Variants in ERI1 observed in about 807,000 individuals in gnomAD.
The protein encoded by ERI1 is 3'-5' exoribonuclease 1.
Under a neutral mutation model 39.7 loss-of-function variants are expected in ERI1, and 39 were observed. That is an observed-to-expected ratio of 0.98 (90% CI 0.76 to 1.28). The LOEUF (loss-of-function observed/expected upper bound fraction) is 1.28, where lower values mean the gene tolerates loss of function less well. Ranked by LOEUF, ERI1 falls within the 50% of genes most tolerant of loss-of-function variation. The pLI is 0.00. For missense variants in ERI1, 581 were observed against 416.9 expected (o/e 1.39, Z -3.43); for synonymous variants, 204 against 149.6 (o/e 1.36, Z -2.65).
At chr8:9,039,131 ATAAT>A (rs1270095943) in intron 3 of ERI1, among the ~76,000 whole-genome samples, 1 of 152,240 alleles carries the variant, frequency 6.6e-6, no homozygotes, top group Admixed American at 6.5e-5. Flanking sequence ...AGACTATCAA[ATAAT>A]TATTCATTAT....
chr8:9,038,038 CTG>C (rs1797907216), downstream of ERI1, among the ~76,000 whole-genome samples: 2 of 152,142 alleles, frequency 1.3e-5, no homozygotes, highest in South Asian at 2.1e-4. Flanking sequence ...GAAAAGGAAA[CTG>C]TACCTATTTG....
In ERI1 at chr8:9,007,288, A is replaced by G. The variant is rs115590344; in HGVS notation, c.109-682A>G. The stretch of plus-strand genomic sequence containing the variant: ...TACATTTCCTTCTTTGAGTACTAGG[A>G]AGCTGTAAATTAGATTTGCGGTCCA... On this transcript the variant is annotated intron_variant, in intron 1 of 6. Transcript: ENST00000250263. 6.5e-3 allele frequency among the ~76,000 whole-genome samples: 989 copies of G among 152,320 alleles called. 12 individuals are homozygous for G. Among genetic ancestry groups the G allele is most frequent in the African/African-American group, 0.022 (930 of 41,576 alleles).
rs564308610 is a variant in ERI1 at position 9,006,208 on chromosome 8, A to T, written c.109-1762A>T. 5.9e-5 allele frequency among the ~76,000 whole-genome samples: 9 copies of T among 152,294 alleles called. 1 individual carries two copies. Among genetic ancestry groups the T allele is most frequent in the African/African-American group, 2.2e-4 (9 of 41,556 alleles). ...CCTTCTTTGTGAACCATTAGTGTAGATTTGAAATTTGGGAGGAGACACTGC... is the reference window on the plus strand; with the variant it reads ...CCTTCTTTGTGAACCATTAGTGTAGTTTTGAAATTTGGGAGGAGACACTGC... On this transcript the variant is annotated intron_variant, in intron 1 of 6. Coordinates refer to ENST00000250263, the MANE Select transcript of ERI1 (RefSeq NM_153332.4).
rs923563033 is a variant in ERI1, at chr8:9,003,156, G to A, written c.93G>A (p.Pro31=). 6.4e-6 allele frequency: 8 copies of A among 1,243,582 alleles called. No homozygotes were observed. The highest frequency in any genetic ancestry group is 3.0e-4 in the Middle Eastern group (1 of 3,310). 77.0% of individuals were successfully genotyped at this position (1,243,582 alleles called of 1,614,324 possible). The change falls in exon 1 of 7, where the codon CCG becomes CCA. Residue 31 remains proline, a synonymous_variant. Coordinates refer to ENST00000250263, the MANE Select transcript of ERI1 (RefSeq NM_153332.4). ...GGCCGGAGGGCGGGGAGGAGCCGCCGCGTCCCAGTCCCGAGGTGAGGAGTC... is the reference window on the plus strand; with the variant it reads ...GGCCGGAGGGCGGGGAGGAGCCGCCACGTCCCAGTCCCGAGGTGAGGAGTC... ...SPRPEGGEEP[P]RPSPEETQQC...
intron 3 of ERI1, among the ~76,000 whole-genome samples, chr8:9,085,173 CT>C (rs1018556883): frequency 2.0e-5 from 3 of 152,050 alleles, no homozygotes; most frequent in Non-Finnish European, 4.4e-5. Context: ...GTGCCCACCG[CT>C]TTTTTTGTTT....
At chr8:9,089,198 AC>A (rs1382445858) in intron 3 of ERI1, among the ~76,000 whole-genome samples, 1 of 152,178 alleles carries the variant, frequency 6.6e-6, no homozygotes, top group Admixed American at 6.5e-5. Flanking sequence ...TGCCTGTAAA[AC>A]ATATAGGCCA....
At chr8:9,058,114 A>G (rs1176771772) in intron 3 of ERI1, among the ~76,000 whole-genome samples, 1 of 152,206 alleles carries the variant, frequency 6.6e-6, no homozygotes, top group East Asian at 1.9e-4. Context: ...CATTCAAAAC[A>G]GACTGCAGGG....
In ERI1 at chr8:9,020,413, T is replaced by G; in HGVS notation, c.756T>G (p.Pro252=). Residue 252 remains proline, a synonymous_variant, in exon 6 of 7, where the codon CCT becomes CCG. Transcript: ENST00000250263. ...QCQLSRLKYP[P]FAKKWINIRK... ...AACTCAGCAGGCTCAAATACCCTCC[T>G]TTTGCGAAAAAGTGGATCAATATTC... is the stretch of plus-strand genomic sequence containing the variant. 1 of 1,608,292 alleles carries G rather than the reference T, an allele frequency of 6.2e-7. No individual in the cohort carries two copies. Among genetic ancestry groups the G allele is most frequent in the South Asian group, 1.1e-5 (1 of 89,438 alleles).
intron 3 of ERI1, among the ~76,000 whole-genome samples, chr8:9,065,561 G>A (rs1004491912): frequency 6.6e-6 from 1 of 151,920 alleles, no homozygotes; most frequent in South Asian, 2.1e-4. Flanking sequence ...CAGGCGTAGT[G>A]GGGGGCGCCT....
chr8:9,036,691 A>T (rs913814868), downstream of ERI1, among the ~76,000 whole-genome samples: 1 of 149,432 alleles, frequency 6.7e-6, no homozygotes, highest in Admixed American at 6.7e-5. Flanking sequence ...AATACAAGTC[A>T]TTTTTTTTTT....
At chr8:9,097,666 CAAAAA>C (rs11380594) in intron 3 of ERI1, among the ~76,000 whole-genome samples, 6 of 96,736 alleles carry the variant, frequency 6.2e-5, no homozygotes, top group East Asian at 3.9e-4. Flanking sequence ...GACACTCTGT[CAAAAA>C]AAAAAAAAAA....
chr8:9,050,838 A>G (rs1441966863), intron 3 of ERI1, among the ~76,000 whole-genome samples: 1 of 152,042 alleles, frequency 6.6e-6, no homozygotes, highest in Middle Eastern at 3.2e-3. Flanking sequence ...CATCATTCCT[A>G]TTGCTCTTCT....
intron 3 of ERI1, among the ~76,000 whole-genome samples, chr8:9,051,657 C>CAAA (rs11439065): frequency 7.1e-6 from 1 of 141,128 alleles, no homozygotes; most frequent in African/African-American, 2.6e-5. Context: ...GACCCTGTCT[C>CAAA]AAAAAAAAAA....
intron 3 of ERI1, chr8:9,049,989 AC>A (rs879646782): frequency 6.6e-6 from 1 of 152,202 alleles, no homozygotes; most frequent in Non-Finnish European, 1.5e-5. Flanking sequence ...AGACCTGAAC[AC>A]GTCCTCCCCA....
At chr8:9,087,277 C>T (rs1308420391) in intron 3 of ERI1, among the ~76,000 whole-genome samples, 1 of 151,590 alleles carries the variant, frequency 6.6e-6, no homozygotes, top group Non-Finnish European at 1.5e-5. Context: ...TGGAGTTTCA[C>T]TCCTGTTGCC....
intron 6 of ERI1, among the ~76,000 whole-genome samples, chr8:9,024,010 C>T (rs901481061): frequency 2.6e-5 from 4 of 151,744 alleles, no homozygotes; most frequent in African/African-American, 7.3e-5. Flanking sequence ...CCATATTAGC[C>T]AGGCTGGTCT....
intron 4 of ERI1, among the ~76,000 whole-genome samples, chr8:9,017,523 A>G (rs549416423): frequency 6.6e-6 from 1 of 151,666 alleles, no homozygotes; most frequent in East Asian, 1.9e-4. Context: ...CAGTAGGCCT[A>G]ATAAGTCAGT....
chr8:9,072,983 G>A lies in ERI1; in HGVS notation n.300-43365G>A, dbSNP rs1386562257. 2.0e-5 allele frequency among the ~76,000 whole-genome samples: 3 copies of A among 152,348 alleles called. No individual in the cohort carries two copies. The East Asian group carries it at 5.8e-4, about 29-fold the overall frequency. ...ACATTTTGTGGTCTAGCTGCTCACTGTATTTTCACTCTGTGGTTTTCTTTA... is the reference window on the plus strand; with the variant it reads ...ACATTTTGTGGTCTAGCTGCTCACTATATTTTCACTCTGTGGTTTTCTTTA... On this transcript the variant is annotated intron_variant and non_coding_transcript_variant, in intron 3 of 3. Transcript: ENST00000518663.
chr8:9,045,300 C>G (rs865775248), intron 3 of ERI1, among the ~76,000 whole-genome samples: 1 of 151,564 alleles, frequency 6.6e-6, no homozygotes, highest in Non-Finnish European at 1.5e-5. Context: ...TCTCAGATTT[C>G]CACTAGACTG....
Sources: allele counts gnomAD v4.1 joint callset (sites outside exome capture counted in the v4.1 genomes callset), GRCh38; gene constraint gnomAD v4.1.1; transcripts MANE v1.5; gene names NCBI Gene and HGNC (gene_info 2026-07-23, HGNC 2026-07-21).